ACTR3: variants seen among roughly 807,000 people sequenced by gnomAD.
The protein encoded by ACTR3 is actin related protein 3, also known as actin-related protein 3.
A neutral mutation model predicts 56.8 loss-of-function variants in ACTR3; 12 were observed. The observed-to-expected ratio is 0.21, with a 90% CI of 0.14 to 0.34. The LOEUF (loss-of-function observed/expected upper bound fraction) is 0.34, where lower values mean the gene tolerates loss of function less well. Ranked by LOEUF, ACTR3 falls within the 10% of genes least tolerant of loss-of-function variation. The pLI is 1.00. For synonymous variants in ACTR3, 162 were observed against 167.4 expected, an observed-to-expected ratio of 0.97 and a Z score of 0.25; for missense variants, 282 against 512.5, an observed-to-expected ratio of 0.55 and a Z score of 4.34.
intron 1 of ACTR3, among the ~76,000 whole-genome samples, chr2:113,898,594 C>A (rs1365431230): frequency 6.6e-6 from 1 of 152,166 alleles, no homozygotes; most frequent in Non-Finnish European, 1.5e-5. Flanking sequence ...TACTGTATGG[C>A]ACACATGAGA....
chr2:113,903,861 C>CTT (rs35970139), intron 1 of ACTR3, among the ~76,000 whole-genome samples: 3 of 140,432 alleles, frequency 2.1e-5, no homozygotes, highest in African/African-American at 2.6e-5. Flanking sequence ...AAGTGTGTCA[C>CTT]TTTTTTTTTT....
At chr2:113,939,257 C>T (rs1472934265) in intron 6 of ACTR3, among the ~76,000 whole-genome samples, 10 of 151,968 alleles carry the variant, frequency 6.6e-5, no homozygotes, top group Admixed American at 5.2e-4. Flanking sequence ...CTCCTGACCT[C>T]GTGATCCGCC....
intron 10 of ACTR3, chr2:113,953,060 A>G (rs1680147539): frequency 6.6e-6 from 1 of 152,182 alleles, no homozygotes; most frequent in South Asian, 2.1e-4. Context: ...ATTGAAGTTG[A>G]TTGTCCTAAT....
intron 1 of ACTR3, among the ~76,000 whole-genome samples, chr2:113,908,919 G>C (rs1222746057): frequency 1.3e-5 from 2 of 152,072 alleles, no homozygotes; most frequent in Admixed American, 6.6e-5. Flanking sequence ...TTAGCTTTTA[G>C]AGTCTAAGCA....
At position 113,961,458 on chromosome 2, in the gene ACTR3, ATATTC is replaced by A. The variant is rs1365033157; in HGVS notation, c.*4008_*4012del. The A allele has an allele frequency of 2.6e-5, 4 of 152,034 alleles. No individual in the cohort carries two copies. Among genetic ancestry groups the A allele is most frequent in the African/African-American group, 7.2e-5 (3 of 41,452 alleles). 9.4% of individuals were successfully genotyped at this position (152,034 alleles called of 1,614,324 possible). On this transcript the variant is annotated 3_prime_UTR_variant, in exon 12 of 12. Transcript: ENST00000263238. ...AAAAATGAAAGATTAAAAGTATACG[ATATTC>A]TATTTTGATTTAGCAATTACTTGTT...
At chr2:113,935,504 C>T (rs1679810094) in intron 6 of ACTR3, among the ~76,000 whole-genome samples, 1 of 152,196 alleles carries the variant, frequency 6.6e-6, no homozygotes, top group African/African-American at 2.4e-5. Flanking sequence ...CGAACATTTT[C>T]AAGATTCATC....
intron 2 of ACTR3, among the ~76,000 whole-genome samples, chr2:113,913,721 A>G (rs992575933): frequency 1.3e-5 from 2 of 152,190 alleles, no homozygotes; most frequent in Non-Finnish European, 2.9e-5. Flanking sequence ...CTGTTTTCTA[A>G]TATCCCATAA....
At chr2:113,909,716 G>A (rs1186969143) in intron 1 of ACTR3, among the ~76,000 whole-genome samples, 1 of 151,720 alleles carries the variant, frequency 6.6e-6, no homozygotes, top group East Asian at 1.9e-4. Flanking sequence ...AGAGTAGCAG[G>A]TGTAGTATGC....
chr2:113,916,416 AT>A (rs1679406013), intron 2 of ACTR3, among the ~76,000 whole-genome samples: 1 of 152,188 alleles, frequency 6.6e-6, no homozygotes, highest in Non-Finnish European at 1.5e-5. Context: ...CACAATAGTA[AT>A]TACTGTTACT....
intron 1 of ACTR3, among the ~76,000 whole-genome samples, chr2:113,901,966 G>A (rs900050204): frequency 2.6e-5 from 4 of 152,170 alleles, no homozygotes; most frequent in African/African-American, 9.7e-5. Context: ...GGCATAAGTT[G>A]TTTTACTACT....
At chr2:113,895,657 A>G (rs1444920036) in intron 1 of ACTR3, among the ~76,000 whole-genome samples, 1 of 152,124 alleles carries the variant, frequency 6.6e-6, no homozygotes, top group African/African-American at 2.4e-5. Flanking sequence ...AGTTAGGAAA[A>G]GATTGGTTTT....
intron 11 of ACTR3, among the ~76,000 whole-genome samples, chr2:113,955,988 G>T (rs1290830944): frequency 1.3e-5 from 2 of 152,032 alleles, no homozygotes; most frequent in Admixed American, 6.6e-5. Context: ...CTTGGGATCT[G>T]CCCACCTTGG....
At chr2:113,947,091 A>G (rs1011874341) in intron 8 of ACTR3, among the ~76,000 whole-genome samples, 1 of 152,190 alleles carries the variant, frequency 6.6e-6, no homozygotes, top group Non-Finnish European at 1.5e-5. Context: ...TGTATGGGCC[A>G]TTTATATGTG....
At chr2:113,909,667 GA>G (rs1679266405) in intron 1 of ACTR3, among the ~76,000 whole-genome samples, 3 of 149,972 alleles carry the variant, frequency 2.0e-5, no homozygotes, top group Admixed American at 2.0e-4. Flanking sequence ...GATAATATGT[GA>G]GGGGGGAATA....
At chr2:113,955,929 C>CA (rs1680203290) in intron 11 of ACTR3, among the ~76,000 whole-genome samples, 1 of 151,932 alleles carries the variant, frequency 6.6e-6, no homozygotes, top group African/African-American at 2.4e-5. Context: ...GCATTTTTAG[C>CA]AGAGACTGGG....
chr2:113,913,465 T>C (rs1333281026), intron 2 of ACTR3, among the ~76,000 whole-genome samples: 2 of 152,172 alleles, frequency 1.3e-5, no homozygotes, highest in Admixed American at 1.3e-4. Flanking sequence ...AAAAAAGAAA[T>C]TAGCTGATAA....
At chr2:113,925,384 C>T (rs1429201539) in intron 3 of ACTR3, among the ~76,000 whole-genome samples, 4 of 149,028 alleles carry the variant, frequency 2.7e-5, no homozygotes, top group Admixed American at 1.3e-4. Context: ...TTAGTGGAGA[C>T]GGGGTTTCAC....
chr2:113,946,733 G>A (rs74680449), intron 8 of ACTR3, among the ~76,000 whole-genome samples: 2 of 151,960 alleles, frequency 1.3e-5, no homozygotes, highest in Non-Finnish European at 2.9e-5. Flanking sequence ...TTTTGCTTTT[G>A]CCATCTTCAT....
intron 3 of ACTR3, among the ~76,000 whole-genome samples, chr2:113,923,641 G>A (rs1000211857): frequency 6.6e-6 from 1 of 151,610 alleles, no homozygotes; most frequent in Non-Finnish European, 1.5e-5. Flanking sequence ...GGCCTGTTTT[G>A]TTTGTTTTTA....
Sources: allele counts gnomAD v4.1 joint callset (sites outside exome capture counted in the v4.1 genomes callset), GRCh38; gene constraint gnomAD v4.1.1; transcripts MANE v1.5; gene names NCBI Gene and HGNC (gene_info 2026-07-23, HGNC 2026-07-21).